The following SSX2IP variants were observed in gnomAD, a reference collection of about 807,000 sequenced individuals.
The protein encoded by SSX2IP is SSX family member 2 interacting protein.
Under a neutral mutation model 84.9 loss-of-function variants are expected in SSX2IP, and 55 were observed. The ratio of observed to expected loss-of-function variants is 0.65; its 90% CI spans 0.52 to 0.81. SSX2IP has a LOEUF of 0.81. Ranked by LOEUF, SSX2IP falls within the 30% of genes least tolerant of loss-of-function variation. The pLI, the probability that SSX2IP is intolerant of heterozygous loss-of-function variation, is 0.00. For synonymous variants in SSX2IP, 239 were observed against 234.7 expected (o/e 1.02, Z -0.17); for missense variants, 664 against 705.2 (o/e 0.94, Z 0.66).
intron 9 of SSX2IP, among the ~76,000 whole-genome samples, chr1:84,656,887 T>C (rs149313447): frequency 3.3e-4 from 51 of 152,296 alleles, no homozygotes; most frequent in African/African-American, 1.2e-3. Context: ...CATGTTTTTG[T>C]TGACACTGCT....
upstream of SSX2IP, chr1:84,690,519 C>A (rs986131904): frequency 6.6e-6 from 1 of 152,008 alleles, no homozygotes; most frequent in African/African-American, 2.4e-5. Flanking sequence ...CTTGCAGCCG[C>A]CTCCCGGCCT....
intron 6 of SSX2IP, among the ~76,000 whole-genome samples, chr1:84,663,941 A>C (rs1652401610): frequency 6.6e-6 from 1 of 152,200 alleles, no homozygotes; most frequent in Non-Finnish European, 1.5e-5. Context: ...TATACCTTAG[A>C]CACACACACG....
intron 8 of SSX2IP, 64 bp from the exon 9 acceptor site, chr1:84,658,532 A>C: frequency 6.6e-7 from 1 of 1,515,120 alleles, no homozygotes; most frequent in Non-Finnish European, 8.9e-7. Context: ...ATGCTCAGGC[A>C]AGTAGTCTTC....
chr1:84,679,021 G>A (rs1289704581), intron 1 of SSX2IP, among the ~76,000 whole-genome samples: 3 of 152,162 alleles, frequency 2.0e-5, no homozygotes, highest in Admixed American at 2.0e-4. Flanking sequence ...TGAAGTCTTT[G>A]CTAAAATCTC....
In SSX2IP at chr1:84,670,695, G is replaced by C. The variant is rs769160879; in HGVS notation, c.164C>G (p.Ala55Gly). The stretch of plus-strand genomic sequence containing the variant: ...TTCAATATTATCTTCTGTGCAGAAG[G>C]CACTGAAAAAACTGTGCACATTTTT... ...LSKNVHSFFS[A>G]FCTEDNIEQS... Residue 55 changes from alanine to glycine, a missense_variant, in exon 3 of 14, where the codon GCC (alanine) becomes GGC (glycine). By Grantham distance (60) the Ala-to-Gly change is moderately conservative (BLOSUM62 0). Coordinates refer to ENST00000342203, the MANE Select transcript of SSX2IP (RefSeq NM_001166293.2). 3.1e-6 allele frequency: 5 copies of C among 1,612,804 alleles called. No homozygotes were observed. Among genetic ancestry groups the C allele is most frequent in the Non-Finnish European group, 4.2e-6 (5 of 1,179,180 alleles).
chr1:84,690,489 G>GT (rs1371074279), upstream of SSX2IP: 5 of 151,812 alleles, frequency 3.3e-5, no homozygotes, highest in Non-Finnish European at 5.9e-5. Flanking sequence ...CTCCGCTGCG[G>GT]GCTCCCGCCT....
chr1:84,690,736 A>AGCTGCG (rs981909353), upstream of SSX2IP: 6 of 151,736 alleles, frequency 4.0e-5, no homozygotes, highest in Admixed American at 3.3e-4. Context: ...CTGCGGGCGC[A>AGCTGCG]GCTGCGGCTG....
intron 11 of SSX2IP, 182 bp downstream of exon 11, chr1:84,655,650 T>C: frequency 6.6e-7 from 1 of 1,511,702 alleles, no homozygotes; most frequent in South Asian, 1.2e-5. Context: ...TCAAATCTGG[T>C]AAGGGGAAAT....
In SSX2IP at chr1:84,662,395, T is replaced by A. The variant is rs774947366; in HGVS notation, c.750-20A>T. The A allele has an allele frequency of 1.2e-6, 2 of 1,607,786 alleles. No homozygotes were observed. The highest frequency in any genetic ancestry group is 1.7e-6 in the Non-Finnish European group (2 of 1,177,408). ...TCATTCCTGAGAAAGAAACTGTCAG[T>A]ATGAAAATGCAGGATAGAAGGAAGT... On this transcript the variant is annotated intron_variant, in intron 7 of 13. Transcript: ENST00000342203.
intron 1 of SSX2IP, among the ~76,000 whole-genome samples, chr1:84,688,096 G>T (rs996540779): frequency 3.3e-5 from 5 of 152,168 alleles, no homozygotes; most frequent in Non-Finnish European, 2.9e-5. Flanking sequence ...AGCGTTTAAT[G>T]AATGTTTATT....
intron 11 of SSX2IP, 160 bp from the exon 12 acceptor site, chr1:84,652,157 C>G (rs572785513): frequency 1.7e-6 from 1 of 579,838 alleles, no homozygotes; most frequent in African/African-American, 1.9e-5. Context: ...AATTTCAGCA[C>G]TCGTCTGTAA....
Position 84,666,118 on chromosome 1 carries a change from T to C in SSX2IP, c.537+4A>G. The C allele has an allele frequency of 6.2e-7, 1 of 1,604,250 alleles. No individual in the cohort carries two copies. The stretch of plus-strand genomic sequence containing the variant: ...AACTTCATCTGCAATAACTGACAAC[T>C]CACCTCATCTTTCTCATTCTTTAGT... On this transcript the variant is annotated splice_donor_region_variant and intron_variant, in intron 5 of 13. Coordinates refer to ENST00000342203, the MANE Select transcript of SSX2IP (RefSeq NM_001166293.2).
At chr1:84,684,808 A>G (rs1303721396) in intron 1 of SSX2IP, among the ~76,000 whole-genome samples, 1 of 152,204 alleles carries the variant, frequency 6.6e-6, no homozygotes, top group Non-Finnish European at 1.5e-5. Context: ...GTGACACATA[A>G]TATAAATTTC....
chr1:84,676,843 C>T (rs1654421520), intron 1 of SSX2IP, among the ~76,000 whole-genome samples: 1 of 151,070 alleles, frequency 6.6e-6, no homozygotes, highest in Non-Finnish European at 1.5e-5. Context: ...CTGCCTCAGC[C>T]TTCTGAGTAG....
chr1:84,659,287 G>C (rs757228746), intron 8 of SSX2IP, among the ~76,000 whole-genome samples: 1 of 105,934 alleles, frequency 9.4e-6, no homozygotes, highest in Non-Finnish European at 2.5e-5. Flanking sequence ...GGGAGCAACT[G>C]AGTCTGAAGA....
chr1:84,646,725 T>C lies in SSX2IP; in HGVS notation c.*708A>G, dbSNP rs1649504168. The C allele has an allele frequency of 6.6e-6, 1 of 152,582 alleles. No homozygotes were observed. The allele number at this position is 152,582 out of a possible 1,614,324, so 9.5% of individuals were successfully genotyped here. A position where few individuals can be genotyped will look rare whatever the true frequency, so the allele number is the denominator to read the frequency against. On this transcript the variant is annotated 3_prime_UTR_variant, in exon 14 of 14. Coordinates refer to ENST00000342203, the MANE Select transcript of SSX2IP (RefSeq NM_001166293.2). ...TCTCAAAAATGTAATGTTAGTAGTG[T>C]TGATTATCTAAAGAACTCAGCTTCA...
Position 84,666,224 on chromosome 1 carries a change from C to G in SSX2IP, c.435G>C (p.Leu145=). 1 of 1,608,992 alleles carries G rather than the reference C, an allele frequency of 6.2e-7. No homozygotes were observed. The highest frequency in any genetic ancestry group is 8.5e-7 in the Non-Finnish European group (1 of 1,178,238). ...QSCYSKLKEQ[L]ETSRREMIGL... ...CAATCATTTCCCTCCTGGAGGTTTCCAGTTGTTCCTAAAACATTTATAAGC... is the reference window on the plus strand; with the variant it reads ...CAATCATTTCCCTCCTGGAGGTTTCGAGTTGTTCCTAAAACATTTATAAGC... Residue 145 remains leucine, a synonymous_variant, in exon 5 of 14, where the codon CTG becomes CTC. Transcript: ENST00000342203.
intron 1 of SSX2IP, among the ~76,000 whole-genome samples, chr1:84,689,406 T>G (rs1474885486): frequency 1.3e-5 from 2 of 152,192 alleles, no homozygotes; most frequent in East Asian, 3.8e-4. Flanking sequence ...ACCTTGACTC[T>G]AATCTGAATT....
chr1:84,661,450 A>C lies in SSX2IP; in HGVS notation c.927+748T>G, dbSNP rs141591836. Among the ~76,000 whole-genome samples the C allele has an allele frequency of 4.0e-3, 604 of 151,708 alleles. 9 individuals are homozygous for C. The highest frequency in any genetic ancestry group is 0.014 in the African/African-American group (565 of 41,182). On this transcript the variant is annotated intron_variant, in intron 8 of 13. Transcript: ENST00000342203. ...ACCTCAAAAATACTTATTTTCTAAG[A>C]AGCAGTGAAAATGTCACTTTCTCTG...
Sources: gnomAD v4.1 joint callset for allele counts (sites outside exome capture counted in the v4.1 genomes callset) on GRCh38, gnomAD v4.1.1 for gene constraint, MANE v1.5 for transcripts, NCBI Gene and HGNC (gene_info 2026-07-23, HGNC 2026-07-21) for gene names.